STN1: variants seen among roughly 807,000 people sequenced by gnomAD.
STN1 encodes the protein STN1 subunit of CST complex.
In STN1, 29 loss-of-function variants were observed where a neutral mutation model predicts 45.5. The ratio of observed to expected loss-of-function variants is 0.64; its 90% confidence interval spans 0.47 to 0.87. The LOEUF is 0.87. Among genes scored for constraint, STN1 ranks in the 40% least tolerant of loss-of-function variants. The pLI is 0.00. For missense variants in STN1, 376 were observed against 441.4 expected (o/e 0.85, Z 1.33); for synonymous variants, 148 against 159.0 (o/e 0.93, Z 0.52).
At chr10:103,909,412 A>ATG (rs1564634975) in intron 3 of STN1, among the ~76,000 whole-genome samples, 23 of 60,930 alleles carry the variant, frequency 3.8e-4, no homozygotes, top group Admixed American at 6.1e-4. Flanking sequence ...ATATATGTAT[A>ATG]TATGTATATA....
At position 103,882,505 on chromosome 10, in the gene STN1, G is replaced by T; in HGVS notation, c.*179C>A. ...GTCATTGTACACCAAGGACATAGTGGACAGAAGGGAGCCAACAACATTTAT... is the reference window on the plus strand; with the variant it reads ...GTCATTGTACACCAAGGACATAGTGTACAGAAGGGAGCCAACAACATTTAT... On this transcript the variant is annotated 3_prime_UTR_variant, in exon 10 of 10. Coordinates refer to ENST00000224950, the MANE Select transcript of STN1 (RefSeq NM_024928.5). 1.7e-6 allele frequency: 1 copy of T among 596,908 alleles called. No homozygotes were observed. Among genetic ancestry groups the T allele is most frequent in the Non-Finnish European group, 2.8e-6 (1 of 352,458 alleles). The allele number at this position is 596,908 out of a possible 1,614,324, so 37.0% of individuals were successfully genotyped here.
In STN1 at chr10:103,882,077, G is replaced by A. The variant is rs771751733; in HGVS notation, c.*607C>T. ...AGGAAAATGACAAACACATAGTCACGCTGTGGATCCCTGTTTATTCCCATC... is the reference window on the plus strand; with the variant it reads ...AGGAAAATGACAAACACATAGTCACACTGTGGATCCCTGTTTATTCCCATC... On this transcript the variant is annotated 3_prime_UTR_variant, in exon 10 of 10. Coordinates refer to ENST00000224950, the MANE Select transcript of STN1 (RefSeq NM_024928.5). Among the ~76,000 whole-genome samples, 37 of 152,352 alleles carry A rather than the reference G, an allele frequency of 2.4e-4. No individual in the cohort carries two copies. The highest frequency in any genetic ancestry group is 8.2e-4 in the African/African-American group (34 of 41,584).
chr10:103,900,914 T>C (rs948097108), intron 4 of STN1, among the ~76,000 whole-genome samples: 7 of 152,216 alleles, frequency 4.6e-5, no homozygotes, highest in African/African-American at 1.2e-4. Flanking sequence ...CTGGGTACTA[T>C]AGATGCTGTT....
At chr10:103,912,360 C>T (rs1278927550) in intron 2 of STN1, among the ~76,000 whole-genome samples, 1 of 152,188 alleles carries the variant, frequency 6.6e-6, no homozygotes, top group African/African-American at 2.4e-5. Context: ...GTAGCCAGTT[C>T]CAACTGGCTT....
intron 9 of STN1, among the ~76,000 whole-genome samples, chr10:103,886,085 A>T (rs1429164406): frequency 3.3e-5 from 5 of 150,260 alleles, no homozygotes; most frequent in African/African-American, 9.8e-5. Context: ...TCTTAAGTTT[A>T]AAAAAAAAAT....
intron 4 of STN1, among the ~76,000 whole-genome samples, chr10:103,903,926 G>C (rs1359844695): frequency 6.6e-6 from 1 of 152,154 alleles, no homozygotes; most frequent in East Asian, 1.9e-4. Context: ...CATTGATTTA[G>C]ATGTTCCCAA....
Position 103,882,671 on chromosome 10 carries a change from T to C in STN1, c.*13A>G. ...TTATCTTTGTCCTCCTCAGCTGGTC[T>C]GCGTGTCTCTGCTCAGAACGCTGTG... On this transcript the variant is annotated 3_prime_UTR_variant, in exon 10 of 10. Transcript: ENST00000224950. The C allele has an allele frequency of 1.3e-6, 2 of 1,595,202 alleles. No homozygotes were observed. The highest frequency in any genetic ancestry group is 1.7e-6 in the Non-Finnish European group (2 of 1,167,782).
intron 4 of STN1, among the ~76,000 whole-genome samples, 185 bp from the exon 5 acceptor site, chr10:103,900,408 C>T (rs1293242346): frequency 6.6e-6 from 1 of 152,202 alleles, no homozygotes; most frequent in Non-Finnish European, 1.5e-5. Context: ...AAGGTATAAA[C>T]TGTAATTATT....
chr10:103,909,404 ATATG>A (rs1488865223), intron 3 of STN1, among the ~76,000 whole-genome samples: 16 of 67,076 alleles, frequency 2.4e-4, no homozygotes, highest in Admixed American at 1.5e-3. Context: ...ATATGTATAT[ATATG>A]TATATATGTA....
At chr10:103,907,481 G>A (rs1309327156) in intron 3 of STN1, among the ~76,000 whole-genome samples, 2 of 152,056 alleles carry the variant, frequency 1.3e-5, no homozygotes, top group African/African-American at 2.4e-5. Context: ...CAATGTATAC[G>A]TTGACTGTAA....
chr10:103,885,767 A>G (rs1028976431), intron 9 of STN1, among the ~76,000 whole-genome samples: 7 of 152,194 alleles, frequency 4.6e-5, no homozygotes, highest in Non-Finnish European at 7.3e-5. Context: ...CCCAGGGGTT[A>G]GTACAATTAC....
At position 103,910,219 on chromosome 10, in the gene STN1, T is replaced by C. The variant is rs143088458; in HGVS notation, c.229+308A>G. 3.9e-5 allele frequency among the ~76,000 whole-genome samples: 6 copies of C among 152,318 alleles called. No individual in the cohort carries two copies. In the East Asian group the frequency reaches 7.7e-4, roughly 20 times the overall value. ...TACCACGCTTTGCTATTTACAGATA[T>C]ACCCTTTGGCATCAGGTGCCCCCCT... On this transcript the variant is annotated intron_variant, in intron 3 of 9. Transcript: ENST00000224950.
chr10:103,902,154 A>G (rs1843213583), intron 4 of STN1, among the ~76,000 whole-genome samples: 1 of 152,118 alleles, frequency 6.6e-6, no homozygotes, highest in Non-Finnish European at 1.5e-5. Flanking sequence ...AAACAGCAAC[A>G]TAGGGAGCAC....
intron 2 of STN1, among the ~76,000 whole-genome samples, chr10:103,911,562 T>A (rs1295378498): frequency 2.0e-5 from 3 of 152,210 alleles, no homozygotes. Context: ...TTTTTTTAAA[T>A]TAGACATGGG....
At position 103,882,723 on chromosome 10, in the gene STN1, G is replaced by A. The variant is rs1843077353; in HGVS notation, c.1068C>T (p.Asp356=). 1 of 1,614,128 alleles carries A rather than the reference G, an allele frequency of 6.2e-7. No individual in the cohort carries two copies. Among genetic ancestry groups the A allele is most frequent in the Non-Finnish European group, 8.5e-7 (1 of 1,180,004 alleles). The part of the protein sequence containing the change: ...QVLELLEDQS[D]IVSTMEHYYT... ...AGTAGTGCTCCATTGTGCTGACAATGTCACTCTGGTCCTCCAGGAGCTCCA... is the reference window on the plus strand; with the variant it reads ...AGTAGTGCTCCATTGTGCTGACAATATCACTCTGGTCCTCCAGGAGCTCCA... The change falls in exon 10 of 10, where the codon GAC becomes GAT. Residue 356 remains aspartate, a synonymous_variant. Transcript: ENST00000224950.
Position 103,895,515 on chromosome 10 carries a change from C to T in STN1, c.753+2033G>A, listed in dbSNP as rs942156979. ...GGAAGAAGGTCAATCTTGCTGTCAG[C>T]CGACAGCTGGAGCGCTGCAACTGTT... is the stretch of plus-strand genomic sequence containing the variant. On this transcript the variant is annotated intron_variant, in intron 7 of 9. Transcript: ENST00000224950. Among the ~76,000 whole-genome samples the T allele has an allele frequency of 1.1e-4, 16 of 152,290 alleles. No individual in the cohort carries two copies. The South Asian group carries it at 2.9e-3, about 28-fold the overall frequency.
chr10:103,915,341 C>A (rs1423025963), intron 2 of STN1, among the ~76,000 whole-genome samples: 1 of 152,168 alleles, frequency 6.6e-6, no homozygotes, highest in African/African-American at 2.4e-5. Flanking sequence ...ACCCCCAACT[C>A]TCTAATTGAA....
At position 103,881,487 on chromosome 10, in the gene STN1, A is replaced by G. The variant is rs1357188357; in HGVS notation, c.*1197T>C. Among the ~76,000 whole-genome samples the G allele has an allele frequency of 6.6e-6, 1 of 152,212 alleles. No homozygotes were observed. Among genetic ancestry groups the G allele is most frequent in the African/African-American group, 2.4e-5 (1 of 41,462 alleles). ...TTAGAAATCAGCAAAGGTTTGCATC[A>G]TTACAAAAGTCTATGACAGGAGGCA... On this transcript the variant is annotated 3_prime_UTR_variant, in exon 10 of 10. Transcript: ENST00000224950.
At chr10:103,905,211 A>T (rs1248511883) in intron 3 of STN1, 55 bp from the exon 4 acceptor site, 1 of 1,454,642 alleles carries the variant, frequency 6.9e-7, no homozygotes, top group East Asian at 2.3e-5. Context: ...CTGGTGAATT[A>T]GCATGCTGTC....
Sources: gnomAD v4.1 joint callset for allele counts (sites outside exome capture counted in the v4.1 genomes callset) on GRCh38, gnomAD v4.1.1 for gene constraint, MANE v1.5 for transcripts, NCBI Gene and HGNC (gene_info 2026-07-23, HGNC 2026-07-21) for gene names.